Variants in B3GALT1 observed in about 807,000 individuals in gnomAD.
B3GALT1 encodes UDP-Gal:betaGlcNAc beta 1,3-galactosyltransferase, polypeptide 1.
Under a neutral mutation model 23.2 loss-of-function variants are expected in B3GALT1, and 10 were observed. The ratio of observed to expected loss-of-function variants is 0.43; its 90% CI spans 0.27 to 0.73. The LOEUF (loss-of-function observed/expected upper bound fraction) is 0.73, where lower values mean the gene tolerates loss of function less well. Among genes scored for constraint, B3GALT1 ranks in the 30% least tolerant of loss-of-function variants. B3GALT1 has a pLI of 0.21. For missense variants in B3GALT1, 299 were observed against 405.4 expected (o/e 0.74, Z 2.25); for synonymous variants, 156 against 141.5 (o/e 1.10, Z -0.73).
chr2:167,713,986 T>G (rs1023499781), intron 3 of B3GALT1: 15 of 1,554,050 alleles, frequency 9.7e-6, no homozygotes, highest in Non-Finnish European at 1.2e-5. Context: ...CAGCAAGAGG[T>G]GGAGGAATAA....
intron 1 of B3GALT1, among the ~76,000 whole-genome samples, chr2:167,301,522 A>G (rs1696445133): frequency 6.6e-6 from 1 of 152,098 alleles, no homozygotes; most frequent in African/African-American, 2.4e-5. Context: ...TACCAGTCCT[A>G]CCAAGACCAC....
At chr2:167,420,760 T>C (rs1407564900) in intron 1 of B3GALT1, among the ~76,000 whole-genome samples, 2 of 152,200 alleles carry the variant, frequency 1.3e-5, no homozygotes, top group African/African-American at 4.8e-5. Flanking sequence ...AGAACATACA[T>C]AGTCATTGCC....
intron 2 of B3GALT1, among the ~76,000 whole-genome samples, chr2:167,595,003 C>T (rs552699631): frequency 2.6e-5 from 4 of 152,276 alleles, no homozygotes; most frequent in African/African-American, 7.2e-5. Context: ...AAACCCATCC[C>T]TATATATTAC....
At chr2:167,537,085 G>T (rs921920084) in intron 2 of B3GALT1, among the ~76,000 whole-genome samples, 3 of 152,156 alleles carry the variant, frequency 2.0e-5, no homozygotes, top group Non-Finnish European at 4.4e-5. Flanking sequence ...ATAAAGGAAA[G>T]AGGTTTAATT....
intron 3 of B3GALT1, among the ~76,000 whole-genome samples, chr2:167,746,018 C>T (rs571322624): frequency 3.3e-5 from 5 of 152,198 alleles, no homozygotes; most frequent in African/African-American, 1.2e-4. Flanking sequence ...TAAGTCTTCA[C>T]CTTTGTCTAA....
chr2:167,559,009 A>G (rs1172708791), intron 2 of B3GALT1, among the ~76,000 whole-genome samples: 2 of 152,226 alleles, frequency 1.3e-5, no homozygotes, highest in African/African-American at 2.4e-5. Context: ...TGCCTCCTCA[A>G]GTGGGTCCCT....
chr2:167,391,709 G>C (rs531905048), intron 1 of B3GALT1, among the ~76,000 whole-genome samples: 2 of 152,162 alleles, frequency 1.3e-5, no homozygotes, highest in African/African-American at 4.8e-5. Flanking sequence ...TTGTCTATTA[G>C]AACTTTACCC....
At chr2:167,680,496 G>A (rs1290321334) in intron 3 of B3GALT1, among the ~76,000 whole-genome samples, 1 of 91,390 alleles carries the variant, frequency 1.1e-5, no homozygotes, top group Non-Finnish European at 2.8e-5. Flanking sequence ...TGGGAAGGCA[G>A]CCTTTCTAAT....
chr2:167,387,501 A>AGG, intron 1 of B3GALT1, among the ~76,000 whole-genome samples: 1 of 152,302 alleles, frequency 6.6e-6, no homozygotes, highest in East Asian at 1.9e-4. Flanking sequence ...AAAAAGACTG[A>AGG]GGGAAATTAC....
chr2:167,455,986 T>C (rs1699164374), intron 1 of B3GALT1, among the ~76,000 whole-genome samples: 1 of 152,230 alleles, frequency 6.6e-6, no homozygotes, highest in Non-Finnish European at 1.5e-5. Flanking sequence ...GGAAGTGACC[T>C]TCATATAAAT....
At chr2:167,817,031 G>T (rs918394619) in intron 3 of B3GALT1, among the ~76,000 whole-genome samples, 3 of 152,170 alleles carry the variant, frequency 2.0e-5, no homozygotes, top group Admixed American at 1.3e-4. Context: ...TAAGCAGTTG[G>T]TGTTTGTCTG....
At chr2:167,864,512 T>G (rs914347918) in intron 4 of B3GALT1, among the ~76,000 whole-genome samples, 3 of 152,198 alleles carry the variant, frequency 2.0e-5, no homozygotes, top group African/African-American at 7.2e-5. Flanking sequence ...TACAGTGAGC[T>G]GTGATTGTGC....
At chr2:167,370,209 A>G (rs1051038436) in intron 1 of B3GALT1, among the ~76,000 whole-genome samples, 1 of 151,880 alleles carries the variant, frequency 6.6e-6, no homozygotes, top group East Asian at 1.9e-4. Flanking sequence ...CTGTATATAC[A>G]TAGGAGTTTA....
At chr2:167,714,752 A>G in intron 3 of B3GALT1, 1 of 1,613,852 alleles carries the variant, frequency 6.2e-7, no homozygotes, top group Non-Finnish European at 8.5e-7. Context: ...TTCTTCTTCA[A>G]GATCTTTGGC....
intron 3 of B3GALT1, among the ~76,000 whole-genome samples, chr2:167,671,242 A>G (rs975677680): frequency 6.6e-6 from 1 of 152,160 alleles, no homozygotes; most frequent in African/African-American, 2.4e-5. Flanking sequence ...CCATGGAAAA[A>G]TGTATAGATC....
chr2:167,486,012 C>T (rs1336472990), intron 1 of B3GALT1, among the ~76,000 whole-genome samples: 1 of 152,090 alleles, frequency 6.6e-6, no homozygotes, highest in Non-Finnish European at 1.5e-5. Context: ...AATTCTGTAC[C>T]ACAATTATGT....
At chr2:167,419,694 C>T (rs534264503) in intron 1 of B3GALT1, among the ~76,000 whole-genome samples, 14 of 152,120 alleles carry the variant, frequency 9.2e-5, no homozygotes, top group Non-Finnish European at 1.8e-4. Context: ...TCTTAATGCA[C>T]GAAGAATCAT....
intron 3 of B3GALT1, among the ~76,000 whole-genome samples, chr2:167,707,971 C>A (rs1361629509): frequency 6.6e-6 from 1 of 152,196 alleles, no homozygotes; most frequent in Non-Finnish European, 1.5e-5. Context: ...GTGTGGGTTT[C>A]AATGTTCTTT....
At chr2:167,723,764 C>T (rs906974268) in intron 3 of B3GALT1, among the ~76,000 whole-genome samples, 2 of 152,164 alleles carry the variant, frequency 1.3e-5, no homozygotes, top group Non-Finnish European at 2.9e-5. Context: ...CTCCTGACCT[C>T]AGGTGACCCA....
Sources: allele counts gnomAD v4.1 joint callset (sites outside exome capture counted in the v4.1 genomes callset), GRCh38; gene constraint gnomAD v4.1.1; transcripts MANE v1.5; gene names NCBI Gene and HGNC (gene_info 2026-07-23, HGNC 2026-07-21).